The following NFIC variants were observed in gnomAD, a reference collection of about 807,000 sequenced individuals.
The protein encoded by NFIC is nuclear factor 1 C-type.
In NFIC, 12 loss-of-function variants were observed where a neutral mutation model predicts 54.4. That is an observed-to-expected ratio of 0.22 (90% confidence interval 0.14 to 0.36). The LOEUF is 0.36. NFIC is among the 10% of genes least tolerant of loss of function. The pLI is 1.00. For synonymous variants in NFIC, 322 were observed against 319.2 expected (o/e 1.01, Z -0.09); for missense variants, 575 against 718.2 (o/e 0.80, Z 2.28).
At chr19:3,393,366 G>A (rs2081406116) in intron 2 of NFIC, among the ~76,000 whole-genome samples, 4 of 152,148 alleles carry the variant, frequency 2.6e-5, no homozygotes, top group South Asian at 4.1e-4. Context: ...AGGAAGACGC[G>A]AGAATCTCAA....
At chr19:3,388,660 C>G (rs10424230) in intron 2 of NFIC, among the ~76,000 whole-genome samples, 14,101 of 151,886 alleles carry the variant, frequency 0.093, 713 homozygotes, top group Middle Eastern at 0.19. Context: ...ATGCCCCCCC[C>G]CAACAAAATT....
intron 6 of NFIC, among the ~76,000 whole-genome samples, chr19:3,439,891 T>C (rs1018383205): frequency 2.6e-5 from 4 of 151,590 alleles, no homozygotes; most frequent in Non-Finnish European, 5.9e-5. Context: ...GGTTTCACCG[T>C]GTTAGCCAGG....
intron 2 of NFIC, among the ~76,000 whole-genome samples, chr19:3,422,633 C>T (rs946210589): frequency 2.6e-5 from 4 of 151,616 alleles, no homozygotes; most frequent in East Asian, 2.0e-4. Flanking sequence ...AGGAGAATGG[C>T]GTGAACCCAG....
chr19:3,455,140 T>A (rs569897222), intron 9 of NFIC, among the ~76,000 whole-genome samples: 1 of 152,362 alleles, frequency 6.6e-6, no homozygotes, highest in African/African-American at 2.4e-5. Context: ...CTGCGTGGTG[T>A]CAGGCAGCTG....
chr19:3,413,688 G>A (rs2081802224), intron 2 of NFIC, among the ~76,000 whole-genome samples: 1 of 152,112 alleles, frequency 6.6e-6, no homozygotes, highest in African/African-American at 2.4e-5. Flanking sequence ...CTCCCAGGCT[G>A]GAGTACAATG....
intron 1 of NFIC, among the ~76,000 whole-genome samples, chr19:3,372,044 G>A (rs1245085616): frequency 8.1e-5 from 4 of 49,650 alleles, no homozygotes; most frequent in Admixed American, 2.7e-4. Context: ...TCTCTCTCTC[G>A]GAGTCTTGCA....
chr19:3,364,559 A>G (rs1011805048), upstream of NFIC, among the ~76,000 whole-genome samples: 1 of 152,142 alleles, frequency 6.6e-6, no homozygotes, highest in African/African-American at 2.4e-5. Flanking sequence ...CGCCACCAAT[A>G]ATATTCACAC....
intron 2 of NFIC, among the ~76,000 whole-genome samples, chr19:3,416,803 G>A (rs558129281): frequency 2.0e-5 from 3 of 151,366 alleles, no homozygotes; most frequent in Admixed American, 6.6e-5. Context: ...GATTACAGGC[G>A]TGAGCCACCG....
At chr19:3,456,379 A>AG (rs1026518493) in intron 9 of NFIC, among the ~76,000 whole-genome samples, 171 bp from the exon 10 acceptor site, 3 of 152,048 alleles carry the variant, frequency 2.0e-5, no homozygotes, top group African/African-American at 7.2e-5. Flanking sequence ...TGGGCCTTTC[A>AG]GGGGGGCCCG....
At position 3,381,851 on chromosome 19, in the gene NFIC, T is replaced by C; in HGVS notation, c.170T>C (p.Val57Ala). Residue 57 changes from valine to alanine, a missense_variant, in exon 2 of 11, where the codon GTC becomes GCC. Around this residue, in one of 3 missense-constraint regions of NFIC, gnomAD observed 122 missense variants for 158.0 expected, o/e 0.77. Transcript: ENST00000443272. ...KRMSKDEERA[V>A]KDELLGEKPE... ...ATGTCGAAGGACGAGGAGCGTGCGGTCAAGGACGAGCTGCTGGGCGAGAAG... is the reference window on the plus strand; with the variant it reads ...ATGTCGAAGGACGAGGAGCGTGCGGCCAAGGACGAGCTGCTGGGCGAGAAG... 1.2e-6 allele frequency: 2 copies of C among 1,613,920 alleles called. No individual in the cohort carries two copies. Among genetic ancestry groups the C allele is most frequent in the Non-Finnish European group, 1.7e-6 (2 of 1,179,944 alleles).
At chr19:3,372,789 A>G (rs2081045064) in intron 1 of NFIC, among the ~76,000 whole-genome samples, 1 of 150,096 alleles carries the variant, frequency 6.7e-6, no homozygotes, top group Non-Finnish European at 1.5e-5. Flanking sequence ...GGAAGATTTC[A>G]TGCCTCAGTC....
chr19:3,467,222 C>A lies in NFIC; in HGVS notation c.*4453C>A, dbSNP rs1014209599. On this transcript the variant is annotated 3_prime_UTR_variant, in exon 11 of 11. Transcript: ENST00000443272. ...CCACACCTATGCCAGGCCCCCCCCCCCACCCCAGTCTCATTCTGGGGTCTG... is the reference window on the plus strand; with the variant it reads ...CCACACCTATGCCAGGCCCCCCCCCACACCCCAGTCTCATTCTGGGGTCTG... 2.3e-5 allele frequency: 3 copies of A among 129,822 alleles called. 1 individual carries two copies. The highest frequency in any genetic ancestry group is 5.0e-5 in the Non-Finnish European group (3 of 60,322). 8.0% of individuals were successfully genotyped at this position (129,822 alleles called of 1,614,324 possible). A position where few individuals can be genotyped will look rare whatever the true frequency, so the allele number is the denominator to read the frequency against.
upstream of NFIC, among the ~76,000 whole-genome samples, chr19:3,363,259 A>T (rs1292489395): frequency 8.4e-5 from 2 of 23,854 alleles, no homozygotes; most frequent in African/African-American, 4.8e-4. Context: ...ATATATATAT[A>T]TATATATATA....
chr19:3,463,138 T>C lies in NFIC; in HGVS notation c.*369T>C. On this transcript the variant is annotated 3_prime_UTR_variant, in exon 11 of 11. Transcript: ENST00000443272. Reference sequence around the variant, plus strand: ...TATTCATCTCCTCTCCGCCTGCTGCTCGGGAAGGACAGACGCCGGCCGCCC... The same window carrying C: ...TATTCATCTCCTCTCCGCCTGCTGCCCGGGAAGGACAGACGCCGGCCGCCC... 8.9e-7 allele frequency: 1 copy of C among 1,121,548 alleles called. No individual in the cohort carries two copies. The highest frequency in any genetic ancestry group is 1.1e-6 in the Non-Finnish European group (1 of 916,502). The allele number at this position is 1,121,548 out of a possible 1,614,324, so 69.5% of individuals were successfully genotyped here. A position where few individuals can be genotyped will look rare whatever the true frequency, so the allele number is the denominator to read the frequency against.
intron 2 of NFIC, among the ~76,000 whole-genome samples, chr19:3,392,067 C>CTTTTTTT (rs781703569): frequency 9.9e-6 from 1 of 101,310 alleles, no homozygotes; most frequent in Non-Finnish European, 1.9e-5. Flanking sequence ...GATAATAGCT[C>CTTTTTTT]TTTTTTTTTT....
In NFIC at chr19:3,398,637, C is replaced by T. The variant is rs73919142; in HGVS notation, c.562+16394C>T. Among the ~76,000 whole-genome samples the T allele has an allele frequency of 2.2e-3, 339 of 152,278 alleles. 1 individual carries two copies. The highest frequency in any genetic ancestry group is 7.9e-3 in the African/African-American group (328 of 41,566). Reference sequence around the variant, plus strand: ...GAGTCAACCCAGAGGCCCTCGGACCCGGGCTGTACCCTGTGACAGCTCCGG... The same window carrying T: ...GAGTCAACCCAGAGGCCCTCGGACCTGGGCTGTACCCTGTGACAGCTCCGG... On this transcript the variant is annotated intron_variant, in intron 2 of 10. Coordinates refer to ENST00000443272, the MANE Select transcript of NFIC (RefSeq NM_001245002.2).
At chr19:3,414,432 T>C (rs1237462181) in intron 2 of NFIC, among the ~76,000 whole-genome samples, 2 of 151,790 alleles carry the variant, frequency 1.3e-5, no homozygotes, top group African/African-American at 4.8e-5. Flanking sequence ...CTGTCTCTAC[T>C]AAAAATACAA....
Position 3,464,868 on chromosome 19 carries a change from G to T in NFIC, c.*2099G>T. On this transcript the variant is annotated 3_prime_UTR_variant, in exon 11 of 11. Transcript: ENST00000443272. ...GATCAAAGCGTGGGCCGCTCTCCGG[G>T]AGGGCGGGCGGGGGAGGGGGTGGTC... is the stretch of plus-strand genomic sequence containing the variant. 2 of 229,510 alleles carry T rather than the reference G, an allele frequency of 8.7e-6. No homozygotes were observed. The highest frequency in any genetic ancestry group is 1.4e-5 in the Non-Finnish European group (2 of 139,106). 14.2% of individuals were successfully genotyped at this position (229,510 alleles called of 1,614,324 possible).
chr19:3,384,432 G>A (rs530093533), intron 2 of NFIC, among the ~76,000 whole-genome samples: 5 of 147,558 alleles, frequency 3.4e-5, no homozygotes, highest in Admixed American at 2.0e-4. Flanking sequence ...CCTGTTCCCC[G>A]GGCTGGAGTC....
Sources: allele counts gnomAD v4.1 joint callset (sites outside exome capture counted in the v4.1 genomes callset), GRCh38; gene constraint gnomAD v4.1.1; regional missense constraint gnomAD v4.1.1; transcripts MANE v1.5; gene names NCBI Gene and HGNC (gene_info 2026-07-23, HGNC 2026-07-21).